The following CNTNAP5 variants were observed in gnomAD, a reference collection of about 807,000 sequenced individuals.
CNTNAP5 encodes the protein contactin associated protein family member 5.
A neutral mutation model predicts 150.2 loss-of-function variants in CNTNAP5; 72 were observed. The ratio of observed to expected loss-of-function variants is 0.48; its 90% CI spans 0.40 to 0.58. The LOEUF is 0.58. Ranked by LOEUF, CNTNAP5 falls within the 20% of genes least tolerant of loss-of-function variation. CNTNAP5 has a pLI of 0.00. For missense variants in CNTNAP5, 1,636 were observed against 1,626.2 expected, an observed-to-expected ratio of 1.01 and a Z score of -0.10; for synonymous variants, 672 against 619.8, an observed-to-expected ratio of 1.08 and a Z score of -1.25.
At chr2:124,707,871 A>G (rs985880757) in intron 13 of CNTNAP5, among the ~76,000 whole-genome samples, 65 of 152,222 alleles carry the variant, frequency 4.3e-4, no homozygotes, top group South Asian at 2.1e-4. Flanking sequence ...TATTATTCCA[A>G]TTTGGACATC....
At chr2:124,756,904 G>T (rs957980964) in intron 14 of CNTNAP5, among the ~76,000 whole-genome samples, 1 of 152,018 alleles carries the variant, frequency 6.6e-6, no homozygotes, top group Non-Finnish European at 1.5e-5. Flanking sequence ...TGCACATCTT[G>T]CACATGTACC....
intron 19 of CNTNAP5, among the ~76,000 whole-genome samples, chr2:124,804,691 G>A (rs2602643): frequency 0.66 from 99,695 of 151,922 alleles, 33,087 homozygotes; most frequent in Middle Eastern, 0.83. Context: ...AACAGGGACC[G>A]AGTCAGCCAG....
chr2:124,537,636 T>C (rs1174465433), intron 10 of CNTNAP5, among the ~76,000 whole-genome samples: 1 of 152,128 alleles, frequency 6.6e-6, no homozygotes, highest in East Asian at 1.9e-4. Context: ...AAAGGACTGA[T>C]TCATTTCTCT....
chr2:124,072,134 T>C (rs895433466), intron 1 of CNTNAP5, among the ~76,000 whole-genome samples: 1 of 151,930 alleles, frequency 6.6e-6, no homozygotes, highest in Non-Finnish European at 1.5e-5. Flanking sequence ...CATATTATCA[T>C]TTCAACTGAT....
chr2:124,792,537 T>A (rs1681756680), intron 18 of CNTNAP5, among the ~76,000 whole-genome samples: 1 of 152,208 alleles, frequency 6.6e-6, no homozygotes, highest in African/African-American at 2.4e-5. Context: ...AGATGTAATT[T>A]ATATACCATA....
At chr2:124,744,508 T>C (rs1680565046) in intron 13 of CNTNAP5, among the ~76,000 whole-genome samples, 1 of 152,176 alleles carries the variant, frequency 6.6e-6, no homozygotes, top group South Asian at 2.1e-4. Flanking sequence ...TTAATTACCA[T>C]GTAACGAGCA....
chr2:124,159,842 A>T lies in CNTNAP5; in HGVS notation c.83-61863A>T, dbSNP rs151328814. Among the ~76,000 whole-genome samples the T allele has an allele frequency of 7.2e-5, 11 of 152,350 alleles. No homozygotes were observed. The East Asian group carries it at 1.2e-3, about 16-fold the overall frequency. ...AAAAATCAAAAATTCTATGAAATTC[A>T]TAAGAAAAATTGTTCATCCAAGTTT... On this transcript the variant is annotated intron_variant, in intron 1 of 23. Coordinates refer to ENST00000682447, the MANE Select transcript of CNTNAP5 (RefSeq NM_001367498.1).
intron 3 of CNTNAP5, among the ~76,000 whole-genome samples, chr2:124,363,003 A>G (rs1214697042): frequency 6.6e-6 from 1 of 152,248 alleles, no homozygotes; most frequent in Non-Finnish European, 1.5e-5. Context: ...GCAAAAAAGC[A>G]TCAATGGATG....
At chr2:124,779,386 A>G (rs920244859) in intron 17 of CNTNAP5, among the ~76,000 whole-genome samples, 3 of 152,248 alleles carry the variant, frequency 2.0e-5, no homozygotes, top group Non-Finnish European at 1.5e-5. Context: ...CTTCTGTCCA[A>G]CCATAAGTAT....
At chr2:124,761,056 G>T (rs149950862) in intron 14 of CNTNAP5, among the ~76,000 whole-genome samples, 132 of 152,174 alleles carry the variant, frequency 8.7e-4, no homozygotes, top group Non-Finnish European at 1.5e-3. Flanking sequence ...TACTTAGGAA[G>T]GGCCTTGTGC....
intron 13 of CNTNAP5, among the ~76,000 whole-genome samples, chr2:124,701,273 A>G (rs1679515615): frequency 1.3e-5 from 2 of 152,086 alleles, no homozygotes; most frequent in Admixed American, 1.3e-4. Flanking sequence ...GAGATCATGC[A>G]ATAGTTTCTT....
chr2:124,695,344 T>C (rs542604957), intron 13 of CNTNAP5, among the ~76,000 whole-genome samples: 1 of 152,320 alleles, frequency 6.6e-6, no homozygotes, highest in East Asian at 1.9e-4. Context: ...GAGTTGAGTA[T>C]TGTCTTTGTT....
intron 1 of CNTNAP5, among the ~76,000 whole-genome samples, chr2:124,213,246 G>A (rs1356514401): frequency 6.6e-6 from 1 of 152,124 alleles, no homozygotes; most frequent in Non-Finnish European, 1.5e-5. Flanking sequence ...TTAAAAATGG[G>A]GTTTTTAAAA....
chr2:124,593,313 G>A (rs1696745262), intron 11 of CNTNAP5, among the ~76,000 whole-genome samples: 1 of 121,602 alleles, frequency 8.2e-6, no homozygotes, highest in African/African-American at 3.1e-5. Context: ...AGTCCCCAGA[G>A]TGTGATATTC....
intron 1 of CNTNAP5, among the ~76,000 whole-genome samples, chr2:124,028,834 A>T (rs973733273): frequency 6.6e-6 from 1 of 152,100 alleles, no homozygotes; most frequent in Non-Finnish European, 1.5e-5. Flanking sequence ...TGAGTATAAA[A>T]CAGCAATTGA....
intron 19 of CNTNAP5, among the ~76,000 whole-genome samples, chr2:124,805,931 C>T (rs1682070672): frequency 6.6e-6 from 1 of 152,128 alleles, no homozygotes; most frequent in South Asian, 2.1e-4. Flanking sequence ...GAGGCCCACC[C>T]TAATAACTTC....
rs574476882 is a variant in CNTNAP5 at position 124,029,563 on chromosome 2, G to T, written c.82+3831G>T. Among the ~76,000 whole-genome samples the T allele has an allele frequency of 3.4e-4, 52 of 152,068 alleles. No homozygotes were observed. In the South Asian group the frequency reaches 0.011, roughly 31 times the overall value. ...GATTTCCACACAAGTTCAAAATTAT[G>T]AAAAAATTAGTTTTATTACGAAAAC... On this transcript the variant is annotated intron_variant, in intron 1 of 23. Transcript: ENST00000682447.
At chr2:124,292,614 A>C (rs1490802511) in intron 3 of CNTNAP5, among the ~76,000 whole-genome samples, 2 of 152,132 alleles carry the variant, frequency 1.3e-5, no homozygotes, top group African/African-American at 2.4e-5. Context: ...ATTGAAGAGA[A>C]GCATAGAGGC....
At position 124,702,346 on chromosome 2, in the gene CNTNAP5, CTTTTTTTTTTTTTTTTTTTTTTTTTTTTT is replaced by C. The variant is rs71412792; in HGVS notation, c.2078-44861_2078-44833del. 1.1e-3 allele frequency among the ~76,000 whole-genome samples: 55 copies of C among 52,252 alleles called. 1 individual carries two copies. The highest frequency in any genetic ancestry group is 3.8e-3 in the Admixed American group (11 of 2,912). 34.3% of individuals were successfully genotyped at this position (52,252 alleles called of 152,430 possible). On this transcript the variant is annotated intron_variant, in intron 13 of 23. Coordinates refer to ENST00000682447, the MANE Select transcript of CNTNAP5 (RefSeq NM_001367498.1). ...ATGTCCTTCTGTGAAACTATGAACACTTTTTTTTTTTTTTTTTTTTTTTTTTTTTTTTTTTTTTTTTTTTTTTTTTGCTA... is the reference window on the plus strand; with the variant it reads ...ATGTCCTTCTGTGAAACTATGAACACTTTTTTTTTTTTTTTTTTTTTGCTA...
Sources: allele counts gnomAD v4.1 joint callset (sites outside exome capture counted in the v4.1 genomes callset), GRCh38; gene constraint gnomAD v4.1.1; transcripts MANE v1.5; gene names NCBI Gene and HGNC (gene_info 2026-07-23, HGNC 2026-07-21).